The following TWSG1 variants were observed in gnomAD, a reference collection of about 807,000 sequenced individuals.
TWSG1 encodes twisted gastrulation protein homolog 1.
In TWSG1, 15 loss-of-function variants were observed where a neutral mutation model predicts 23.0. The observed-to-expected ratio is 0.65, with a 90% confidence interval of 0.44 to 1.00. The LOEUF is 1.00. Ranked by LOEUF, TWSG1 falls within the 50% of genes least tolerant of loss-of-function variation. The pLI, the probability that TWSG1 is intolerant of heterozygous loss-of-function variation, is 0.00. For missense variants in TWSG1, 242 were observed against 278.7 expected (o/e 0.87, Z 0.94); for synonymous variants, 86 against 92.8 (o/e 0.93, Z 0.42).
chr18:9,390,255 A>AG (rs1307248658), intron 3 of TWSG1, among the ~76,000 whole-genome samples: 1 of 151,644 alleles, frequency 6.6e-6, no homozygotes, highest in Non-Finnish European at 1.5e-5. Context: ...CCGCCCCTCC[A>AG]GGTTCACGCC....
chr18:9,390,987 T>A (rs2040709624), intron 3 of TWSG1, among the ~76,000 whole-genome samples: 1 of 152,194 alleles, frequency 6.6e-6, no homozygotes, highest in Non-Finnish European at 1.5e-5. Context: ...ACACTCCAGC[T>A]TGGGTGATAG....
intron 3 of TWSG1, among the ~76,000 whole-genome samples, chr18:9,374,535 C>T (rs2040620129): frequency 6.6e-6 from 1 of 152,100 alleles, no homozygotes; most frequent in African/African-American, 2.4e-5. Context: ...GAATCAATTG[C>T]TCATAACCTT....
At chr18:9,399,275 A>T in intron 4 of TWSG1, 71 bp from the exon 5 acceptor site, 3 of 1,027,198 alleles carry the variant, frequency 2.9e-6, no homozygotes, top group Non-Finnish European at 4.3e-6. Context: ...ATATTCAACT[A>T]GGTAATAAAG....
chr18:9,360,286 G>A (rs2040546406), intron 3 of TWSG1, among the ~76,000 whole-genome samples: 1 of 152,188 alleles, frequency 6.6e-6, no homozygotes, highest in Non-Finnish European at 1.5e-5. Context: ...GGAAGTAGGA[G>A]TGGGGGGCCA....
intron 3 of TWSG1, among the ~76,000 whole-genome samples, chr18:9,391,669 A>G (rs1434612366): frequency 6.6e-6 from 1 of 152,232 alleles, no homozygotes; most frequent in Non-Finnish European, 1.5e-5. Context: ...TGTTTGAAAT[A>G]TTGCAAGAAT....
chr18:9,356,630 A>T (rs985933415), intron 2 of TWSG1, among the ~76,000 whole-genome samples: 1 of 152,200 alleles, frequency 6.6e-6, no homozygotes, highest in African/African-American at 2.4e-5. Context: ...AGTTTAGTTA[A>T]TAATATAAAT....
At chr18:9,367,435 C>CT (rs2040585147) in intron 3 of TWSG1, among the ~76,000 whole-genome samples, 1 of 152,068 alleles carries the variant, frequency 6.6e-6, no homozygotes, top group Admixed American at 6.6e-5. Context: ...TGAAATCATG[C>CT]GGTATTTGCC....
Position 9,396,472 on chromosome 18 carries a change from CTG to C in TWSG1, c.419_420del (p.Val140GlufsTer14), listed in dbSNP as rs1376820786. The C allele has an allele frequency of 2.5e-6, 4 of 1,614,174 alleles. No individual in the cohort carries two copies. Among genetic ancestry groups the C allele is most frequent in the East Asian group, 4.5e-5 (2 of 44,886 alleles). On this transcript the variant is annotated frameshift_variant, in exon 4 of 5. Coordinates refer to ENST00000262120, the MANE Select transcript of TWSG1 (RefSeq NM_020648.6). LOFTEE classifies it high-confidence loss of function. ...GAGAATCTGGTTTCATTTTTAGAAA[CTG>C]TGAACCAGCCACACCACCAGAATGT... is the stretch of plus-strand genomic sequence containing the variant.
At chr18:9,392,621 C>T (rs182057736) in intron 3 of TWSG1, among the ~76,000 whole-genome samples, 1 of 152,330 alleles carries the variant, frequency 6.6e-6, no homozygotes, top group African/African-American at 2.4e-5. Flanking sequence ...CTTGCATTCC[C>T]AACTAGGCTG....
chr18:9,357,873 T>C (rs77323048), intron 2 of TWSG1, among the ~76,000 whole-genome samples: 5,863 of 152,134 alleles, frequency 0.039, 350 homozygotes, highest in African/African-American at 0.13. Context: ...GATTTAAGAT[T>C]ACCACACTTT....
chr18:9,377,092 G>T (rs1298337826), intron 3 of TWSG1, among the ~76,000 whole-genome samples: 3 of 152,180 alleles, frequency 2.0e-5, no homozygotes, highest in Non-Finnish European at 4.4e-5. Flanking sequence ...GTGGATTTTG[G>T]TGTTTCCTGG....
At chr18:9,397,743 C>T (rs1240401301) in intron 4 of TWSG1, among the ~76,000 whole-genome samples, 2 of 152,134 alleles carry the variant, frequency 1.3e-5, no homozygotes, top group African/African-American at 2.4e-5. Context: ...CGGTGGCTCA[C>T]GCCTGTAATC....
At chr18:9,340,751 G>A (rs1402510981) in intron 2 of TWSG1, among the ~76,000 whole-genome samples, 1 of 152,186 alleles carries the variant, frequency 6.6e-6, no homozygotes, top group Non-Finnish European at 1.5e-5. Context: ...AGCTTTCTGC[G>A]ATGATGGAAA....
intron 2 of TWSG1, among the ~76,000 whole-genome samples, chr18:9,357,846 G>A (rs1049621716): frequency 5.9e-5 from 9 of 151,940 alleles, no homozygotes; most frequent in African/African-American, 1.9e-4. Flanking sequence ...GGGAAGGGGG[G>A]GGATGGGGAT....
intron 4 of TWSG1, among the ~76,000 whole-genome samples, chr18:9,397,814 T>A (rs942911454): frequency 2.6e-5 from 4 of 152,060 alleles, no homozygotes; most frequent in Admixed American, 1.3e-4. Context: ...GAGACCAGCC[T>A]GACCAACATG....
intron 3 of TWSG1, among the ~76,000 whole-genome samples, chr18:9,390,514 G>T (rs1208144491): frequency 6.6e-6 from 1 of 151,998 alleles, no homozygotes; most frequent in African/African-American, 2.4e-5. Flanking sequence ...GCCTAGACTG[G>T]TCTCAATTTC....
intron 3 of TWSG1, among the ~76,000 whole-genome samples, chr18:9,368,897 G>A (rs1362914125): frequency 2.0e-5 from 3 of 151,662 alleles, no homozygotes; most frequent in Admixed American, 6.6e-5. Context: ...GCAGTGAGCC[G>A]AGATCATGCA....
rs1303919719 is a variant in TWSG1, at chr18:9,396,262, A to T, written c.224-18A>T. 5 of 1,611,606 alleles carry T rather than the reference A, an allele frequency of 3.1e-6. No homozygotes were observed. The highest frequency in any genetic ancestry group is 4.2e-6 in the Non-Finnish European group (5 of 1,178,542). On this transcript the variant is annotated intron_variant, in intron 3 of 4. Coordinates refer to ENST00000262120, the MANE Select transcript of TWSG1 (RefSeq NM_020648.6). ...AGGCAGTAACTAACAAAATCTTATG[A>T]TATTACCCCCAACCCAGGTATGTGT...
intron 2 of TWSG1, among the ~76,000 whole-genome samples, chr18:9,344,490 C>CGTGTGTGTGTGTGTGTGTGTGTGT (rs1491456878): frequency 1.8e-5 from 2 of 113,012 alleles, no homozygotes; most frequent in Admixed American, 9.9e-5. Flanking sequence ...TTAGTGAATG[C>CGTGTGTGTGTGTGTGTGTGTGTGT]ATGTGTGTGT....
Sources: gnomAD v4.1 joint callset for allele counts (sites outside exome capture counted in the v4.1 genomes callset) on GRCh38, gnomAD v4.1.1 for gene constraint, MANE v1.5 for transcripts, NCBI Gene and HGNC (gene_info 2026-07-23, HGNC 2026-07-21) for gene names.